The following EVL variants were observed in gnomAD, a reference collection of about 807,000 sequenced individuals.
EVL encodes the protein Enah/Vasp-like, also known as ena/VASP-like protein.
Under a neutral mutation model 59.6 loss-of-function variants are expected in EVL, and 21 were observed. The ratio of observed to expected loss-of-function variants is 0.35; its 90% CI spans 0.25 to 0.51. EVL has a LOEUF of 0.51. EVL is among the 20% of genes least tolerant of loss of function. EVL has a pLI of 0.97. For synonymous variants in EVL, 198 were observed against 203.5 expected (o/e 0.97, Z 0.23); for missense variants, 462 against 546.6 (o/e 0.85, Z 1.54).
intron 1 of EVL, among the ~76,000 whole-genome samples, chr14:100,038,916 C>T (rs1191249573): frequency 6.6e-6 from 1 of 152,076 alleles, no homozygotes; most frequent in Non-Finnish European, 1.5e-5. Flanking sequence ...ATATATCCTG[C>T]CTCTCCCAAA....
intron 9 of EVL, among the ~76,000 whole-genome samples, chr14:100,136,172 A>C (rs1310501746): frequency 1.3e-5 from 2 of 152,232 alleles, no homozygotes; most frequent in Non-Finnish European, 2.9e-5. Context: ...GAGCAGAGCC[A>C]CTGTGATGGG....
intron 9 of EVL, 169 bp from the exon 10 acceptor site, chr14:100,137,409 G>A (rs1365061928): frequency 1.5e-6 from 1 of 653,258 alleles, no homozygotes; most frequent in Non-Finnish European, 2.7e-6. Flanking sequence ...GGCCATGGGG[G>A]ACTGAGAACA....
At chr14:100,034,234 C>G (rs1396744239) in intron 1 of EVL, among the ~76,000 whole-genome samples, 1 of 90,936 alleles carries the variant, frequency 1.1e-5, no homozygotes, top group Non-Finnish European at 2.4e-5. Context: ...GAATCTGTCT[C>G]AAAAAAAAAA....
chr14:100,003,356 CT>C (rs1443245292), intron 1 of EVL, among the ~76,000 whole-genome samples: 1 of 152,182 alleles, frequency 6.6e-6, no homozygotes, highest in Non-Finnish European at 1.5e-5. Context: ...GTCACAAGGA[CT>C]TTAAAAGCAC....
chr14:100,101,187 TA>T (rs1276182835), intron 3 of EVL, among the ~76,000 whole-genome samples: 3 of 151,860 alleles, frequency 2.0e-5, no homozygotes, highest in African/African-American at 7.3e-5. Context: ...TCGTCTCTAC[TA>T]AAAAGACAAA....
At chr14:100,132,886 C>T (rs1367583136) in intron 8 of EVL, 107 bp downstream of exon 8, 19 of 1,244,094 alleles carry the variant, frequency 1.5e-5, no homozygotes, top group Non-Finnish European at 2.0e-5. Flanking sequence ...GTGGGATGGG[C>T]GCTTCATCAG....
chr14:100,106,140 C>G (rs191100213), intron 3 of EVL: 1 of 152,356 alleles, frequency 6.6e-6, no homozygotes, highest in East Asian at 1.9e-4. Flanking sequence ...GACAGGTGCA[C>G]ATTGCAATGT....
At position 100,143,830 on chromosome 14, in the gene EVL, G is replaced by A. The variant is rs1011575082; in HGVS notation, c.*92G>A. The A allele has an allele frequency of 4.0e-6, 6 of 1,482,884 alleles. No individual in the cohort carries two copies. The highest frequency in any genetic ancestry group is 1.4e-5 in the African/African-American group (1 of 72,072). 91.9% of individuals were successfully genotyped at this position (1,482,884 alleles called of 1,614,324 possible). A position where few individuals can be genotyped will look rare whatever the true frequency, so the allele number is the denominator to read the frequency against. ...CAGCCCCAGACTCCAGTGCACCAGAGCACGCACAGGAGCCTGGGCGCGCTG... is the reference window on the plus strand; with the variant it reads ...CAGCCCCAGACTCCAGTGCACCAGAACACGCACAGGAGCCTGGGCGCGCTG... On this transcript the variant is annotated 3_prime_UTR_variant, in exon 14 of 14. Coordinates refer to ENST00000392920, the MANE Select transcript of EVL (RefSeq NM_016337.3).
At chr14:100,141,934 C>G (rs1168668280) in intron 13 of EVL, 141 bp downstream of exon 13, 2 of 637,216 alleles carry the variant, frequency 3.1e-6, no homozygotes, top group East Asian at 6.1e-5. Flanking sequence ...TTCTTACCAT[C>G]TCTAGTTGAG....
intron 3 of EVL, among the ~76,000 whole-genome samples, chr14:100,122,693 ACT>A (rs1887776101): frequency 6.6e-6 from 1 of 151,880 alleles, no homozygotes; most frequent in Non-Finnish European, 1.5e-5. Context: ...AGTCACTGCG[ACT>A]CTCTGCAGTT....
At chr14:100,123,927 A>C (rs375766492) in intron 4 of EVL, among the ~76,000 whole-genome samples, 4 of 152,174 alleles carry the variant, frequency 2.6e-5, no homozygotes, top group Non-Finnish European at 4.4e-5. Context: ...CCCTTCCCCA[A>C]CGTAGCAGGA....
At chr14:100,098,091 A>G (rs1025261280) in intron 3 of EVL, among the ~76,000 whole-genome samples, 2 of 152,234 alleles carry the variant, frequency 1.3e-5, no homozygotes, top group Non-Finnish European at 2.9e-5. Context: ...TAGATAAGAA[A>G]TGAACAGCGG....
At chr14:100,081,828 A>G (rs1595147398) in intron 1 of EVL, among the ~76,000 whole-genome samples, 1 of 152,202 alleles carries the variant, frequency 6.6e-6, no homozygotes, top group Non-Finnish European at 1.5e-5. Context: ...GGCCTGGCGC[A>G]GTGGCTCACG....
chr14:100,019,796 G>C (rs2061088602), intron 1 of EVL: 3 of 1,122,926 alleles, frequency 2.7e-6, no homozygotes, highest in Admixed American at 5.0e-5. Flanking sequence ...AAAAAAACAG[G>C]GTTCTTTTCA....
Position 100,129,443 on chromosome 14 carries a change from C to A in EVL, c.718-120C>A. Reference sequence around the variant, plus strand: ...ATGGACCAGATGGCCCCTGAGGCCCCTTGCAGTGCTGCTGCCATAGGATTC... The same window carrying A: ...ATGGACCAGATGGCCCCTGAGGCCCATTGCAGTGCTGCTGCCATAGGATTC... On this transcript the variant is annotated intron_variant, in intron 6 of 13. Transcript: ENST00000392920. 6 of 1,444,004 alleles carry A rather than the reference C, an allele frequency of 4.2e-6. No homozygotes were observed. In the East Asian group the frequency reaches 1.2e-4, roughly 29 times the overall value. The allele number at this position is 1,444,004 out of a possible 1,614,324, so 89.4% of individuals were successfully genotyped here.
At chr14:100,076,628 T>C (rs2062167327) in intron 1 of EVL, among the ~76,000 whole-genome samples, 1 of 152,172 alleles carries the variant, frequency 6.6e-6, no homozygotes. Context: ...TCCAAGTCTT[T>C]ATGGATGAGT....
chr14:100,124,047 C>T (rs1186634250), intron 4 of EVL, among the ~76,000 whole-genome samples: 1 of 152,206 alleles, frequency 6.6e-6, no homozygotes, highest in Non-Finnish European at 1.5e-5. Flanking sequence ...TAAAGTGTTA[C>T]CACAGTGGGG....
intron 2 of EVL, among the ~76,000 whole-genome samples, chr14:100,089,111 G>GTA (rs1222145549): frequency 6.6e-6 from 1 of 152,188 alleles, no homozygotes; most frequent in East Asian, 1.9e-4. Context: ...CCCTACATTT[G>GTA]TATGAATCCA....
chr14:100,129,023 C>T (rs148993836), intron 6 of EVL, among the ~76,000 whole-genome samples: 138 of 152,282 alleles, frequency 9.1e-4, no homozygotes, highest in Non-Finnish European at 1.6e-3. Context: ...ACAAAGAGCA[C>T]GAGTAATTTG....
Sources: gnomAD v4.1 joint callset for allele counts (sites outside exome capture counted in the v4.1 genomes callset) on GRCh38, gnomAD v4.1.1 for gene constraint, MANE v1.5 for transcripts, NCBI Gene and HGNC (gene_info 2026-07-23, HGNC 2026-07-21) for gene names.